The following AGBL1 variants were observed in gnomAD, a reference collection of about 807,000 sequenced individuals.
The protein encoded by AGBL1 is AGBL carboxypeptidase 1.
In AGBL1, 130 loss-of-function variants were observed where a neutral mutation model predicts 118.9. The observed-to-expected ratio is 1.09, with a 90% CI of 0.95 to 1.26. The LOEUF is 1.26. Ranked by LOEUF, AGBL1 falls within the 50% of genes most tolerant of loss-of-function variation. The pLI, the probability that AGBL1 is intolerant of heterozygous loss-of-function variation, is 0.00. For synonymous variants in AGBL1, 555 were observed against 478.9 expected (o/e 1.16, Z -2.08); for missense variants, 1,584 against 1,298.1 (o/e 1.22, Z -3.38).
chr15:86,662,299 A>C (rs929861248), intron 21 of AGBL1, among the ~76,000 whole-genome samples: 4 of 152,226 alleles, frequency 2.6e-5, no homozygotes, highest in Non-Finnish European at 2.9e-5. Flanking sequence ...TGGGGCATTT[A>C]CTCTGTGCCT....
chr15:86,545,384 T>A (rs1490885399), intron 19 of AGBL1, among the ~76,000 whole-genome samples: 1 of 152,174 alleles, frequency 6.6e-6, no homozygotes, highest in African/African-American at 2.4e-5. Flanking sequence ...GGATCTTTCC[T>A]ATTGACTTTT....
rs550623525 is a variant in AGBL1 at position 87,010,697 on chromosome 15, T to C, written c.3324-18128T>C. ...CATTACCTTCTCTGGTTCTGAGGCA[T>C]TTAGACTTGGACTAAGCTATGCTAC... On this transcript the variant is annotated intron_variant, in intron 24 of 24. Coordinates refer to the AGBL1 transcript ENST00000441037. 7.9e-5 allele frequency among the ~76,000 whole-genome samples: 12 copies of C among 152,328 alleles called. 1 individual carries two copies. The South Asian group carries it at 2.5e-3, about 32-fold the overall frequency.
chr15:87,009,663 C>G (rs1280945021), intron 24 of AGBL1, among the ~76,000 whole-genome samples: 1 of 152,202 alleles, frequency 6.6e-6, no homozygotes, highest in Non-Finnish European at 1.5e-5. Flanking sequence ...ACAAAAGCAG[C>G]TGGGAGGGAG....
chr15:86,821,265 G>A (rs540829279), intron 22 of AGBL1, among the ~76,000 whole-genome samples: 2 of 152,086 alleles, frequency 1.3e-5, no homozygotes, highest in East Asian at 3.9e-4. Context: ...ACCATGGCAC[G>A]TGTATACCTA....
intron 6 of AGBL1, among the ~76,000 whole-genome samples, chr15:86,242,572 T>G (rs188260181): frequency 6.6e-6 from 1 of 152,284 alleles, no homozygotes; most frequent in African/African-American, 2.4e-5. Context: ...GCCCACAGAT[T>G]AGGACATGCA....
intron 18 of AGBL1, among the ~76,000 whole-genome samples, chr15:86,460,717 A>C (rs564304504): frequency 5.3e-5 from 8 of 152,198 alleles, no homozygotes; most frequent in Non-Finnish European, 1.2e-4. Flanking sequence ...TGAAGCTGGC[A>C]GAATTAATTG....
At chr15:86,271,780 A>G in intron 15 of AGBL1, 74 bp downstream of exon 15, 2 of 1,384,498 alleles carry the variant, frequency 1.4e-6, no homozygotes, top group African/African-American at 1.4e-5. Context: ...TTCCATATTG[A>G]TCTTATAAAC....
At chr15:86,616,973 G>A (rs939855405) in intron 21 of AGBL1, among the ~76,000 whole-genome samples, 1 of 152,144 alleles carries the variant, frequency 6.6e-6, no homozygotes, top group African/African-American at 2.4e-5. Context: ...GGTAGGGCAG[G>A]ATTTGTGTTG....
intron 17 of AGBL1, among the ~76,000 whole-genome samples, chr15:86,358,325 C>T (rs2080753479): frequency 6.6e-6 from 1 of 152,014 alleles, no homozygotes; most frequent in East Asian, 1.9e-4. Context: ...ACATAATATC[C>T]TTCAGGTTCA....
intron 18 of AGBL1, among the ~76,000 whole-genome samples, chr15:86,432,712 A>G (rs992067834): frequency 6.6e-6 from 1 of 152,242 alleles, no homozygotes; most frequent in African/African-American, 2.4e-5. Flanking sequence ...AAAGGAGCTT[A>G]GATAAAAGCC....
chr15:86,865,242 G>A (rs2079609463), intron 22 of AGBL1, among the ~76,000 whole-genome samples: 1 of 152,226 alleles, frequency 6.6e-6, no homozygotes, highest in African/African-American at 2.4e-5. Context: ...CCCTGTGGGA[G>A]AGCTAACTTG....
intron 22 of AGBL1, among the ~76,000 whole-genome samples, chr15:86,818,454 C>T (rs1314744912): frequency 2.0e-5 from 3 of 152,160 alleles, no homozygotes; most frequent in African/African-American, 2.4e-5. Context: ...GAATCTAATG[C>T]CTAATGCCTA....
chr15:86,464,252 G>A lies in AGBL1; in HGVS notation c.2556-58558G>A, dbSNP rs58537543. On this transcript the variant is annotated intron_variant, in intron 18 of 22. Transcript: ENST00000614907. ...TTGGCTCTCTGTTTGTCTATTATTG[G>A]TGTATAGGAATGCTTGTGATTTTTG... Among the ~76,000 whole-genome samples, 200 of 152,284 alleles carry A rather than the reference G, an allele frequency of 1.3e-3. 1 individual carries two copies. The highest frequency in any genetic ancestry group is 4.6e-3 in the African/African-American group (192 of 41,560).
At chr15:86,816,947 A>G (rs1233873610) in intron 22 of AGBL1, among the ~76,000 whole-genome samples, 1 of 152,182 alleles carries the variant, frequency 6.6e-6, no homozygotes, top group Non-Finnish European at 1.5e-5. Flanking sequence ...GAGGTCTCAG[A>G]GCAGGTTAGG....
Position 86,988,206 on chromosome 15 carries a change from C to CA in AGBL1, c.3323+125dup, listed in dbSNP as rs1325251308. On this transcript the variant is annotated intron_variant, in intron 24 of 24. Coordinates refer to the AGBL1 transcript ENST00000441037. The stretch of plus-strand genomic sequence containing the variant: ...AGAAAGTAAATGGGTGGGCCAACAA[C>CA]AAAAAAACAACATACCCTTCAGCTT... 3.4e-5 allele frequency: 43 copies of CA among 1,263,954 alleles called. 1 individual carries two copies. The highest frequency in any genetic ancestry group is 3.0e-4 in the South Asian group (20 of 67,438). The allele number at this position is 1,263,954 out of a possible 1,614,324, so 78.3% of individuals were successfully genotyped here.
chr15:86,291,179 C>G (rs1447371725), intron 16 of AGBL1, among the ~76,000 whole-genome samples: 2 of 152,130 alleles, frequency 1.3e-5, no homozygotes, highest in Non-Finnish European at 2.9e-5. Flanking sequence ...TTTTGTATGT[C>G]TGAGCATACA....
chr15:86,829,723 T>G (rs947092383), intron 22 of AGBL1, among the ~76,000 whole-genome samples: 2 of 152,134 alleles, frequency 1.3e-5, no homozygotes, highest in African/African-American at 4.8e-5. Flanking sequence ...GAGGGAGAGA[T>G]ATAGTCACAG....
chr15:86,679,544 C>T lies in AGBL1; in HGVS notation c.3158+5108C>T, dbSNP rs151138338. On this transcript the variant is annotated intron_variant, in intron 22 of 22. Coordinates refer to ENST00000614907, the MANE Select transcript of AGBL1 (RefSeq NM_001386094.1). ...AATTTTTGACCATCAGCTTTGCTTA[C>T]TTCTTTTTCTTATCTTATGATCTGG... is the stretch of plus-strand genomic sequence containing the variant. Among the ~76,000 whole-genome samples, 72 of 152,098 alleles carry T rather than the reference C, an allele frequency of 4.7e-4. 1 individual carries two copies. In the East Asian group the frequency reaches 0.013, roughly 27 times the overall value.
At chr15:86,779,920 AACACAC>A (rs201278408) in intron 22 of AGBL1, among the ~76,000 whole-genome samples, 39 of 106,784 alleles carry the variant, frequency 3.7e-4, no homozygotes, top group Non-Finnish European at 8.9e-4. Context: ...ACACCCCCCC[AACACAC>A]ACACACACAC....
Sources: allele counts gnomAD v4.1 joint callset (sites outside exome capture counted in the v4.1 genomes callset), GRCh38; gene constraint gnomAD v4.1.1; transcripts MANE v1.5; gene names NCBI Gene and HGNC (gene_info 2026-07-23, HGNC 2026-07-21).